Variants in NLRC4 observed in about 807,000 individuals in gnomAD.
NLRC4 encodes the protein NLR family CARD domain-containing protein 4.
A neutral mutation model predicts 79.9 loss-of-function variants in NLRC4; 63 were observed. The ratio of observed to expected loss-of-function variants is 0.79; its 90% CI spans 0.64 to 0.97. The LOEUF is 0.97. NLRC4 is among the 50% of genes least tolerant of loss of function. NLRC4 has a pLI of 0.00. For synonymous variants in NLRC4, 461 were observed against 456.5 expected, an observed-to-expected ratio of 1.01 and a Z score of -0.12; for missense variants, 1,074 against 1,215.2, an observed-to-expected ratio of 0.88 and a Z score of 1.73.
At chr2:32,231,585 T>TGGG (rs1686540140) in intron 8 of NLRC4, among the ~76,000 whole-genome samples, 1 of 38,290 alleles carries the variant, frequency 2.6e-5, no homozygotes, top group Non-Finnish European at 5.0e-5. Flanking sequence ...GGGGGGGGGG[T>TGGG]GGGGGACTGG....
intron 4 of NLRC4, among the ~76,000 whole-genome samples, chr2:32,243,829 C>T (rs1037043446): frequency 2.6e-5 from 4 of 151,938 alleles, no homozygotes; most frequent in African/African-American, 9.7e-5. Context: ...TACACCACCT[C>T]CAAATGGGCT....
intron 1 of NLRC4, among the ~76,000 whole-genome samples, chr2:32,264,250 T>G (rs2148950545): frequency 6.6e-6 from 1 of 152,062 alleles, no homozygotes; most frequent in East Asian, 1.9e-4. Context: ...CTGGCCAACA[T>G]GGTGAAACCC....
intron 2 of NLRC4, among the ~76,000 whole-genome samples, chr2:32,254,494 C>T (rs367820837): frequency 6.6e-6 from 1 of 151,822 alleles, no homozygotes; most frequent in African/African-American, 2.4e-5. Context: ...ACGTAGACCA[C>T]ACCGTACCCA....
At chr2:32,228,946 A>G (rs1686467955) in intron 8 of NLRC4, among the ~76,000 whole-genome samples, 3 of 151,632 alleles carry the variant, frequency 2.0e-5, no homozygotes, top group African/African-American at 4.8e-5. Context: ...TTGTATTTTT[A>G]GTAGAGACAG....
chr2:32,247,505 G>C (rs1686965922), intron 4 of NLRC4, among the ~76,000 whole-genome samples: 2 of 151,034 alleles, frequency 1.3e-5, no homozygotes, highest in Non-Finnish European at 1.5e-5. Flanking sequence ...GTAGAGATGG[G>C]GTTTCTCCAT....
chr2:32,253,362 C>T (rs1687128380), intron 2 of NLRC4, among the ~76,000 whole-genome samples: 1 of 151,906 alleles, frequency 6.6e-6, no homozygotes, highest in South Asian at 2.1e-4. Context: ...TTTGGTCAGA[C>T]TGGTCTCGAA....
Position 32,231,572 on chromosome 2 carries a change from T to TTGC in NLRC4, c.2782+3828_2782+3829insGCA, listed in dbSNP as rs1553342715. Among the ~76,000 whole-genome samples, 43 of 59,488 alleles carry TTGC rather than the reference T, an allele frequency of 7.2e-4. 1 individual carries two copies. The highest frequency in any genetic ancestry group is 1.8e-3 in the Admixed American group (9 of 5,018). The allele number at this position is 59,488 out of a possible 152,430, so 39.0% of individuals were successfully genotyped here. On this transcript the variant is annotated intron_variant, in intron 8 of 8. Coordinates refer to ENST00000402280, the MANE Select transcript of NLRC4 (RefSeq NM_001199138.2). ...CTTTCTTTCTTTTTCTATTTTTTTTTGTGGGGGGGGGGTGGGGGACTGGGT... is the reference window on the plus strand; with the variant it reads ...CTTTCTTTCTTTTTCTATTTTTTTTTTGCGTGGGGGGGGGGTGGGGGACTGGGT...
chr2:32,237,476 C>G (rs760869344), intron 6 of NLRC4, among the ~76,000 whole-genome samples: 10 of 152,182 alleles, frequency 6.6e-5, no homozygotes, highest in Non-Finnish European at 1.2e-4. Context: ...CTGTGGGTTT[C>G]TCTAGCTGTA....
Position 32,250,192 on chromosome 2 carries a change from C to T in NLRC4, c.1672G>A (p.Gly558Ser). 1.2e-6 allele frequency: 2 copies of T among 1,614,198 alleles called. No homozygotes were observed. The highest frequency in any genetic ancestry group is 1.1e-5 in the South Asian group (1 of 91,082). The change falls in exon 4 of 9, where the codon GGC becomes AGC. Residue 558 changes from glycine (G) to serine (S), a missense_variant. Transcript: ENST00000402280. This position sits in a 1 kb window ranked among gnomAD's most constrained non-coding sequence, Gnocchi z 4.9. ...GTACTCTCTTGATATAAATGGATGC[C>T]ACACTCTACAAAGGAATTGATGTTT... ...AININSFVEC[G>S]IHLYQESTSK...
chr2:32,247,284 G>A (rs1384835466), intron 4 of NLRC4, among the ~76,000 whole-genome samples: 2 of 151,624 alleles, frequency 1.3e-5, no homozygotes, highest in African/African-American at 4.8e-5. Context: ...CTGAAGACAA[G>A]CTTAACCTGC....
chr2:32,252,890 C>T (rs1032166687), intron 2 of NLRC4, among the ~76,000 whole-genome samples: 10 of 151,814 alleles, frequency 6.6e-5, no homozygotes, highest in South Asian at 2.1e-4. Flanking sequence ...TGGTGGCGGG[C>T]GCCTGTAGTC....
chr2:32,258,261 G>A (rs1687255681), intron 1 of NLRC4, among the ~76,000 whole-genome samples: 2 of 152,122 alleles, frequency 1.3e-5, no homozygotes, highest in Admixed American at 1.3e-4. Flanking sequence ...TCCCTTCAAC[G>A]TCCTCTGGAC....
chr2:32,238,652 A>C (rs1273816433), intron 5 of NLRC4, among the ~76,000 whole-genome samples: 1 of 104,288 alleles, frequency 9.6e-6, no homozygotes, highest in African/African-American at 3.7e-5. Flanking sequence ...TCTTCTCAAA[A>C]ATCTTAAACA....
chr2:32,261,676 G>A (rs529494045), intron 1 of NLRC4, among the ~76,000 whole-genome samples: 120 of 151,972 alleles, frequency 7.9e-4, no homozygotes, highest in African/African-American at 2.8e-3. Context: ...GTGAGACAAC[G>A]AACATCAGGT....
chr2:32,247,223 G>T (rs2148940108), intron 4 of NLRC4, among the ~76,000 whole-genome samples: 1 of 152,320 alleles, frequency 6.6e-6, no homozygotes, highest in East Asian at 1.9e-4. Flanking sequence ...ACTTGGCAGG[G>T]AAGGACTGGG....
At chr2:32,243,329 G>C (rs1028813999) in intron 4 of NLRC4, among the ~76,000 whole-genome samples, 2 of 151,580 alleles carry the variant, frequency 1.3e-5, no homozygotes, top group Admixed American at 6.6e-5. Flanking sequence ...AGAATCGCTT[G>C]AACCCAGGAG....
rs2148943949 is a variant in NLRC4 at position 32,252,687 on chromosome 2, G to C, written c.2-8C>G. On this transcript the variant is annotated splice_region_variant and splice_polypyrimidine_tract_variant and intron_variant, in intron 2 of 8. Coordinates refer to ENST00000402280, the MANE Select transcript of NLRC4 (RefSeq NM_001199138.2). ...TGTCCTTTATGAAATTCACTGAGGA[G>C]ATGGGGAGAAATATACATATTTATT... 1 of 1,609,600 alleles carries C rather than the reference G, an allele frequency of 6.2e-7. No homozygotes were observed. Among genetic ancestry groups the C allele is most frequent in the Admixed American group, 1.7e-5 (1 of 59,852 alleles).
At chr2:32,261,316 C>CCCCTTTTT in intron 1 of NLRC4, among the ~76,000 whole-genome samples, 11 of 96,878 alleles carry the variant, frequency 1.1e-4, no homozygotes, top group Non-Finnish European at 1.2e-4. Flanking sequence ...AGCCTCCCCC[C>CCCCTTTTT]TTTTGTTTTT....
chr2:32,244,297 A>G (rs965026755), intron 4 of NLRC4, among the ~76,000 whole-genome samples: 46 of 152,256 alleles, frequency 3.0e-4, no homozygotes, highest in Admixed American at 3.0e-3. Context: ...ACATCCATCC[A>G]TGTAAAATGA....
Sources: allele counts gnomAD v4.1 joint callset (sites outside exome capture counted in the v4.1 genomes callset), GRCh38; gene constraint gnomAD v4.1.1; non-coding constraint Gnocchi (gnomAD v3.1); transcripts MANE v1.5; gene names NCBI Gene and HGNC (gene_info 2026-07-23, HGNC 2026-07-21).